Variants in KCNAB1 observed in about 807,000 individuals in gnomAD.
The protein encoded by KCNAB1 is voltage-gated potassium channel subunit beta-1.
Under a neutral mutation model 64.6 loss-of-function variants are expected in KCNAB1, and 35 were observed. The ratio of observed to expected loss-of-function variants is 0.54; its 90% CI spans 0.41 to 0.72. The LOEUF is 0.72. Ranked by LOEUF, KCNAB1 falls within the 30% of genes least tolerant of loss-of-function variation. The pLI, the probability that KCNAB1 is intolerant of heterozygous loss-of-function variation, is 0.00. For missense variants in KCNAB1, 401 were observed against 512.9 expected (o/e 0.78, Z 2.11); for synonymous variants, 177 against 183.8 (o/e 0.96, Z 0.30).
chr3:156,150,836 C>T (rs1577643296), intron 1 of KCNAB1, among the ~76,000 whole-genome samples: 2 of 152,206 alleles, frequency 1.3e-5, no homozygotes, highest in East Asian at 1.9e-4. Context: ...AAAGGTAAGA[C>T]CAGCATATTC....
At chr3:156,450,721 C>T (rs1021380935) in intron 2 of KCNAB1, among the ~76,000 whole-genome samples, 1 of 152,166 alleles carries the variant, frequency 6.6e-6, no homozygotes, top group Non-Finnish European at 1.5e-5. Context: ...AAAACAAATG[C>T]TGCCATTTCT....
intron 1 of KCNAB1, among the ~76,000 whole-genome samples, chr3:156,180,222 C>T (rs185710423): frequency 5.3e-5 from 8 of 152,286 alleles, no homozygotes; most frequent in South Asian, 2.1e-4. Context: ...TGGACATTTC[C>T]ATTTTACAGA....
chr3:156,225,779 G>A (rs924944829), intron 1 of KCNAB1, among the ~76,000 whole-genome samples: 3 of 152,128 alleles, frequency 2.0e-5, no homozygotes, highest in African/African-American at 4.8e-5. Context: ...TACCAACAGC[G>A]ACCAAGCTGA....
rs771809179 is a variant in KCNAB1 at position 156,508,747 on chromosome 3, C to T, written c.659-5617C>T. On this transcript the variant is annotated intron_variant, in intron 8 of 13. Transcript: ENST00000490337. The surrounding 1 kb of genome is among the most constrained non-coding windows in gnomAD (Gnocchi z 4.1). ...ACTTTACAGAAGGAAATTGAGTACTCAGGGAAACAAAGTGGACCTGCAGCA... is the reference window on the plus strand; with the variant it reads ...ACTTTACAGAAGGAAATTGAGTACTTAGGGAAACAAAGTGGACCTGCAGCA... Among the ~76,000 whole-genome samples the T allele has an allele frequency of 2.6e-5, 4 of 152,128 alleles. No homozygotes were observed. The highest frequency in any genetic ancestry group is 5.9e-5 in the Non-Finnish European group (4 of 68,030).
chr3:156,408,935 C>T (rs1176104811), intron 1 of KCNAB1, among the ~76,000 whole-genome samples: 2 of 152,118 alleles, frequency 1.3e-5, no homozygotes, highest in African/African-American at 4.8e-5. Flanking sequence ...CTTATAGATG[C>T]TAACATTCTA....
chr3:156,311,377 A>G lies in KCNAB1; in HGVS notation c.276-110239A>G, dbSNP rs187816882. Among the ~76,000 whole-genome samples the G allele has an allele frequency of 5.3e-3, 809 of 152,324 alleles. 9 individuals are homozygous for G. The highest frequency in any genetic ancestry group is 0.019 in the African/African-American group (774 of 41,560). On this transcript the variant is annotated intron_variant, in intron 1 of 13. Coordinates refer to ENST00000490337, the MANE Select transcript of KCNAB1 (RefSeq NM_172160.3). Reference sequence around the variant, plus strand: ...AGTTAAGGCAAGAGTATGTGTTGTGAGAAAATAGGAAAGGCAAAGATGAAT... The same window carrying G: ...AGTTAAGGCAAGAGTATGTGTTGTGGGAAAATAGGAAAGGCAAAGATGAAT...
chr3:156,196,411 TTTCATGATA>T (rs1302945375), intron 1 of KCNAB1, among the ~76,000 whole-genome samples: 1 of 152,342 alleles, frequency 6.6e-6, no homozygotes, highest in African/African-American at 2.4e-5. Context: ...GTTTGGCCGT[TTTCATGATA>T]TTGATTCTTC....
At chr3:156,447,650 T>C (rs1485478326) in intron 2 of KCNAB1, among the ~76,000 whole-genome samples, 2 of 152,216 alleles carry the variant, frequency 1.3e-5, no homozygotes, top group Admixed American at 6.5e-5. Flanking sequence ...TGATGAGTAC[T>C]TTTAAAAGTG....
chr3:156,181,513 T>C (rs1165668635), intron 1 of KCNAB1, among the ~76,000 whole-genome samples: 1 of 152,112 alleles, frequency 6.6e-6, no homozygotes, highest in African/African-American at 2.4e-5. Context: ...CAATGATGTG[T>C]TGGATTGGCT....
At chr3:156,224,110 CG>C (rs979245295) in intron 1 of KCNAB1, among the ~76,000 whole-genome samples, 2 of 152,208 alleles carry the variant, frequency 1.3e-5, no homozygotes, top group African/African-American at 4.8e-5. Flanking sequence ...AGCTCAGTGC[CG>C]GTGGGCCAGC....
At chr3:156,347,533 TA>T (rs748855255) in intron 1 of KCNAB1, among the ~76,000 whole-genome samples, 23 of 152,336 alleles carry the variant, frequency 1.5e-4, no homozygotes, top group Non-Finnish European at 2.6e-4. Context: ...TTCCATATTA[TA>T]AAAAACTCAT....
intron 1 of KCNAB1, among the ~76,000 whole-genome samples, chr3:156,375,981 G>A (rs192931009): frequency 8.7e-4 from 132 of 152,272 alleles, no homozygotes; most frequent in African/African-American, 2.9e-3. Context: ...CAACATGCCC[G>A]CCTAATTTTT....
chr3:156,173,833 C>T (rs1221190361), intron 1 of KCNAB1, among the ~76,000 whole-genome samples: 1 of 152,174 alleles, frequency 6.6e-6, no homozygotes, highest in East Asian at 1.9e-4. Flanking sequence ...GATTGCCCTT[C>T]CTGATGTGAG....
At chr3:156,451,492 T>C (rs576771170) in intron 2 of KCNAB1, among the ~76,000 whole-genome samples, 5 of 152,324 alleles carry the variant, frequency 3.3e-5, no homozygotes, top group African/African-American at 9.6e-5. Context: ...ATTCCACTTA[T>C]CGAGTTGGTT....
chr3:156,444,917 T>C (rs1717289873), intron 2 of KCNAB1, among the ~76,000 whole-genome samples: 1 of 152,210 alleles, frequency 6.6e-6, no homozygotes, highest in African/African-American at 2.4e-5. Context: ...TTACTAGTTA[T>C]TTAAACTTTG....
intron 2 of KCNAB1, among the ~76,000 whole-genome samples, chr3:156,448,726 A>G (rs989650610): frequency 1.5e-5 from 2 of 131,624 alleles, no homozygotes; most frequent in Admixed American, 1.4e-4. Context: ...TCATTTTTCT[A>G]TAAGTCATAA....
At chr3:156,393,384 C>G (rs1483442909) in intron 1 of KCNAB1, among the ~76,000 whole-genome samples, 2 of 152,218 alleles carry the variant, frequency 1.3e-5, no homozygotes, top group African/African-American at 4.8e-5. Flanking sequence ...GCCACACCCT[C>G]TCTTCAGGAT....
chr3:156,217,690 G>T (rs894645517), intron 1 of KCNAB1, among the ~76,000 whole-genome samples: 1 of 152,236 alleles, frequency 6.6e-6, no homozygotes. Context: ...TATAGAAAGA[G>T]TGCTCATTAT....
chr3:156,304,916 A>G (rs759713772), intron 1 of KCNAB1, among the ~76,000 whole-genome samples: 4 of 152,126 alleles, frequency 2.6e-5, no homozygotes, highest in Non-Finnish European at 5.9e-5. Flanking sequence ...TTTATCCTAC[A>G]TGTTTAGTCC....
Sources: allele counts gnomAD v4.1 joint callset (sites outside exome capture counted in the v4.1 genomes callset), GRCh38; gene constraint gnomAD v4.1.1; non-coding constraint Gnocchi (gnomAD v3.1); transcripts MANE v1.5; gene names NCBI Gene and HGNC (gene_info 2026-07-23, HGNC 2026-07-21).